Variants in MLLT11 observed in about 807,000 individuals in gnomAD.
The protein encoded by MLLT11 is protein AF1q.
In MLLT11, 1 loss-of-function variant was observed where a neutral mutation model predicts 5.3. The observed-to-expected ratio is 0.19, with a 90% confidence interval of 0.07 to 0.89. The LOEUF (loss-of-function observed/expected upper bound fraction) is 0.89. Among genes scored for constraint, MLLT11 ranks in the 40% least tolerant of loss-of-function variants. The probability of loss-of-function intolerance (pLI) is 0.67; values close to 1 mark genes in which losing one functional copy is unlikely to be tolerated. For missense variants in MLLT11, 87 were observed against 107.3 expected, an observed-to-expected ratio of 0.81 and a Z score of 0.83; for synonymous variants, 38 against 41.7, an observed-to-expected ratio of 0.91 and a Z score of 0.34.
chr1:151,061,446 A>G (rs1398817372), intron 1 of MLLT11, among the ~76,000 whole-genome samples: 1 of 152,188 alleles, frequency 6.6e-6, no homozygotes, highest in African/African-American at 2.4e-5. Context: ...TACATTTGCT[A>G]ATCATGTATC....
intron 1 of MLLT11, among the ~76,000 whole-genome samples, chr1:151,063,713 CCACG>C (rs1343354561): frequency 2.0e-5 from 3 of 152,224 alleles, no homozygotes; most frequent in Non-Finnish European, 2.9e-5. Flanking sequence ...GCGTAAGCCA[CCACG>C]CCCGACCACA....
rs1382515288 is a variant in MLLT11 at position 151,069,493 on chromosome 1, T to C, written c.*1996T>C. Among the ~76,000 whole-genome samples, 3 of 152,106 alleles carry C rather than the reference T, an allele frequency of 2.0e-5. No homozygotes were observed. Among genetic ancestry groups the C allele is most frequent in the African/African-American group, 7.2e-5 (3 of 41,430 alleles). On this transcript the variant is annotated 3_prime_UTR_variant, in exon 2 of 2. Transcript: ENST00000368921. The stretch of plus-strand genomic sequence containing the variant: ...TTCAGAGTCCTTCAGCCATGGCAAT[T>C]GGTGGGTGGAGACAGGGATCAACTG...
chr1:151,066,934 A>G (rs975558422), intron 1 of MLLT11, among the ~76,000 whole-genome samples: 5 of 15,618 alleles, frequency 3.2e-4, no homozygotes, highest in African/African-American at 5.0e-4. Flanking sequence ...CATTGAGAGA[A>G]AAAAAAAAAA....
At chr1:151,067,162 C>A in intron 1 of MLLT11, 57 bp from the exon 2 acceptor site, 2 of 1,503,500 alleles carry the variant, frequency 1.3e-6, no homozygotes, top group Non-Finnish European at 1.8e-6. Flanking sequence ...CAAGGAAAGG[C>A]CATGGGCCAC....
intron 1 of MLLT11, 80 bp from the exon 2 acceptor site, chr1:151,067,139 T>G: frequency 1.2e-5 from 14 of 1,171,888 alleles, no homozygotes; most frequent in Non-Finnish European, 1.6e-5. Flanking sequence ...TACCAGTATG[T>G]GGAGTATCTA....
chr1:151,062,844 A>C (rs1436734258), intron 1 of MLLT11, among the ~76,000 whole-genome samples: 1 of 152,130 alleles, frequency 6.6e-6, no homozygotes, highest in Non-Finnish European at 1.5e-5. Context: ...GCTTCTTAGA[A>C]TCTCTATAGT....
Position 151,067,991 on chromosome 1 carries a change from GTC to G in MLLT11, c.*498_*499del. ...TATTTCTAAAAGGCTAAAGTGATAA[GTC>G]TCTTGCTTTTTTTTGATCCTGCTCT... On this transcript the variant is annotated 3_prime_UTR_variant, in exon 2 of 2. Coordinates refer to ENST00000368921, the MANE Select transcript of MLLT11 (RefSeq NM_006818.4). 1 of 245,182 alleles carries G rather than the reference GTC, an allele frequency of 4.1e-6. No individual in the cohort carries two copies. Among genetic ancestry groups the G allele is most frequent in the Non-Finnish European group, 8.6e-6 (1 of 116,518 alleles). 15.2% of individuals were successfully genotyped at this position (245,182 alleles called of 1,614,324 possible).
intron 1 of MLLT11, among the ~76,000 whole-genome samples, chr1:151,064,784 T>C (rs1046096919): frequency 1.3e-5 from 2 of 151,578 alleles, no homozygotes; most frequent in Non-Finnish European, 2.9e-5. Context: ...TTTGGGCGTG[T>C]CTGTGTGGCT....
At position 151,067,633 on chromosome 1, in the gene MLLT11, G is replaced by A. The variant is rs1452388643; in HGVS notation, c.*136G>A. 4 of 966,798 alleles carry A rather than the reference G, an allele frequency of 4.1e-6. No individual in the cohort carries two copies. Among genetic ancestry groups the A allele is most frequent in the African/African-American group, 1.6e-5 (1 of 60,940 alleles). The allele number at this position is 966,798 out of a possible 1,614,324, so 59.9% of individuals were successfully genotyped here. A position where few individuals can be genotyped will look rare whatever the true frequency, so the allele number is the denominator to read the frequency against. On this transcript the variant is annotated 3_prime_UTR_variant, in exon 2 of 2. Transcript: ENST00000368921. ...GTGCTGATGAATCTGCCAGAGTTGA[G>A]TTCTATGTATTTATTTATCTATCTG...
Position 151,069,483 on chromosome 1 carries a change from C to A in MLLT11, c.*1986C>A, listed in dbSNP as rs1676538914. Among the ~76,000 whole-genome samples, 1 of 152,162 alleles carries A rather than the reference C, an allele frequency of 6.6e-6. No homozygotes were observed. The highest frequency in any genetic ancestry group is 2.1e-4 in the South Asian group (1 of 4,826). On this transcript the variant is annotated 3_prime_UTR_variant, in exon 2 of 2. Transcript: ENST00000368921. Reference sequence around the variant, plus strand: ...GAAGGGCCCCTTCAGAGTCCTTCAGCCATGGCAATTGGTGGGTGGAGACAG... The same window carrying A: ...GAAGGGCCCCTTCAGAGTCCTTCAGACATGGCAATTGGTGGGTGGAGACAG...
chr1:151,062,922 C>T (rs1016430759), intron 1 of MLLT11, among the ~76,000 whole-genome samples: 7 of 152,134 alleles, frequency 4.6e-5, no homozygotes, highest in African/African-American at 1.4e-4. Context: ...TTTCTGCACA[C>T]GTCTCTGCAA....
intron 1 of MLLT11, among the ~76,000 whole-genome samples, chr1:151,066,389 C>G (rs1676477073): frequency 6.6e-6 from 1 of 152,172 alleles, no homozygotes; most frequent in Non-Finnish European, 1.5e-5. Context: ...TCCACCCACT[C>G]TGCCTCCCAA....
chr1:151,065,967 A>G (rs1207951663), intron 1 of MLLT11, among the ~76,000 whole-genome samples: 1 of 152,090 alleles, frequency 6.6e-6, no homozygotes, highest in East Asian at 1.9e-4. Context: ...CAGCCTCCCA[A>G]GTAGCTGGGA....
At chr1:151,060,946 CTA>C (rs1158346728) in intron 1 of MLLT11, among the ~76,000 whole-genome samples, 2 of 151,922 alleles carry the variant, frequency 1.3e-5, no homozygotes, top group Non-Finnish European at 2.9e-5. Flanking sequence ...CTGTAGTGTT[CTA>C]TGTTTCTCTG....
chr1:151,066,987 G>T, intron 1 of MLLT11: 2 of 398,462 alleles, frequency 5.0e-6, no homozygotes, highest in Non-Finnish European at 4.4e-6. Context: ...GCTTGTCCAA[G>T]GGAACTTGGA....
At chr1:151,064,684 T>C (rs587671563) in intron 1 of MLLT11, among the ~76,000 whole-genome samples, 2 of 152,274 alleles carry the variant, frequency 1.3e-5, no homozygotes, top group South Asian at 4.1e-4. Context: ...CACCACCTTG[T>C]CCTCCCCCTT....
At chr1:151,062,055 T>C (rs1346159945) in intron 1 of MLLT11, among the ~76,000 whole-genome samples, 2 of 152,150 alleles carry the variant, frequency 1.3e-5, no homozygotes, top group East Asian at 1.9e-4. Flanking sequence ...AGCTTTTTTT[T>C]TTTTCTCAGA....
intron 1 of MLLT11, among the ~76,000 whole-genome samples, chr1:151,062,947 TA>T (rs1233008681): frequency 6.6e-6 from 1 of 152,164 alleles, no homozygotes; most frequent in Admixed American, 6.5e-5. Flanking sequence ...CTATGGAGAT[TA>T]TCAGAGTTGA....
At chr1:151,063,858 A>G (rs587609307) in intron 1 of MLLT11, among the ~76,000 whole-genome samples, 1 of 152,336 alleles carries the variant, frequency 6.6e-6, no homozygotes, top group Non-Finnish European at 1.5e-5. Flanking sequence ...AACGCATGGA[A>G]GAGTATCTGA....
Sources: allele counts gnomAD v4.1 joint callset (sites outside exome capture counted in the v4.1 genomes callset), GRCh38; gene constraint gnomAD v4.1.1; transcripts MANE v1.5; gene names NCBI Gene and HGNC (gene_info 2026-07-23, HGNC 2026-07-21).